The following PHEX variants were observed in gnomAD, a reference collection of about 807,000 sequenced individuals.
The protein encoded by PHEX is phosphate-regulating neutral endopeptidase PHEX.
PHEX carries 16 observed loss-of-function variants against 68.0 expected under a neutral mutation model. The ratio of observed to expected loss-of-function variants is 0.24; its 90% CI spans 0.16 to 0.36. PHEX has a LOEUF of 0.36. Among genes scored for constraint, PHEX ranks in the 10% least tolerant of loss-of-function variants. The pLI, the probability that PHEX is intolerant of heterozygous loss-of-function variation, is 1.00. For missense variants in PHEX, 480 were observed against 575.5 expected (o/e 0.83, Z 1.70); for synonymous variants, 208 against 205.1 (o/e 1.01, Z -0.12).
chrX:22,090,616 C>T, intron 6 of PHEX, 119 bp downstream of exon 6: 4 of 531,804 alleles, frequency 7.5e-6, no homozygotes. Flanking sequence ...ACCATATTCC[C>T]AATGCAGGAA....
chrX:22,053,601 G>A (rs1208165749), intron 3 of PHEX, among the ~76,000 whole-genome samples: 19 of 111,886 alleles, frequency 1.7e-4, no homozygotes, highest in Admixed American at 1.1e-3. Context: ...AGAAGACACA[G>A]CATGCATTGC....
chrX:22,230,744 CT>C (rs1171285704), intron 20 of PHEX, among the ~76,000 whole-genome samples: 1 of 111,740 alleles, frequency 8.9e-6, no homozygotes, highest in Non-Finnish European at 1.9e-5. Flanking sequence ...TTGACTTCCT[CT>C]TTTCCTATTT....
intron 6 of PHEX, 30 bp downstream of exon 6, chrX:22,090,527 C>G (rs1426120065): frequency 1.6e-5 from 17 of 1,038,506 alleles, no homozygotes; most frequent in Non-Finnish European, 2.3e-5. Context: ...AACTATGTGC[C>G]TTACCAGGCT....
intron 13 of PHEX, among the ~76,000 whole-genome samples, chrX:22,170,420 T>C (rs1446726547): frequency 9.0e-6 from 1 of 111,370 alleles, no homozygotes; most frequent in Non-Finnish European, 1.9e-5. Flanking sequence ...CCTTGTTACC[T>C]AGGGTAGGTT....
chrX:22,221,850 C>T (rs1421130502), intron 18 of PHEX, 107 bp downstream of exon 18: 9 of 708,863 alleles, frequency 1.3e-5, no homozygotes, highest in Non-Finnish European at 1.8e-5. Context: ...ACAAGATCAA[C>T]AGCATCTGTC....
At chrX:22,160,476 G>C (rs1363846653) in intron 12 of PHEX, among the ~76,000 whole-genome samples, 2 of 109,157 alleles carry the variant, frequency 1.8e-5, no homozygotes, top group Admixed American at 1.9e-4. Context: ...TTGAACCCAG[G>C]AGGTGGAGGT....
chrX:22,132,134 C>T (rs1488640286), intron 11 of PHEX, among the ~76,000 whole-genome samples: 1 of 111,697 alleles, frequency 9.0e-6, no homozygotes, highest in Admixed American at 9.5e-5. Flanking sequence ...AGGTCTCACT[C>T]TGTCACCCAG....
At chrX:22,087,637 C>T (rs1929683330) in intron 5 of PHEX, among the ~76,000 whole-genome samples, 1 of 111,481 alleles carries the variant, frequency 9.0e-6, no homozygotes, top group Non-Finnish European at 1.9e-5. Flanking sequence ...GAAAAAGAAG[C>T]TGGAGGAGAT....
At chrX:22,047,388 G>T (rs1485129068) in intron 3 of PHEX, among the ~76,000 whole-genome samples, 177 bp downstream of exon 3, 8 of 112,266 alleles carry the variant, frequency 7.1e-5, no homozygotes, top group Non-Finnish European at 1.3e-4. Context: ...TGGACTCCCA[G>T]ATCTCAACAT....
chrX:22,049,406 G>A (rs187416671), intron 3 of PHEX, among the ~76,000 whole-genome samples: 3 of 110,774 alleles, frequency 2.7e-5, no homozygotes, highest in African/African-American at 9.8e-5. Flanking sequence ...GAGCCACCGC[G>A]CCTGGCCAAC....
At chrX:22,169,270 G>T (rs1463609999) in intron 13 of PHEX, among the ~76,000 whole-genome samples, 2 of 111,758 alleles carry the variant, frequency 1.8e-5, no homozygotes, top group Non-Finnish European at 3.8e-5. Context: ...TGGGCTCTAA[G>T]ATATAGCCTC....
At chrX:22,081,132 C>A (rs1929376373) in intron 5 of PHEX, among the ~76,000 whole-genome samples, 1 of 110,564 alleles carries the variant, frequency 9.0e-6, no homozygotes, top group African/African-American at 3.3e-5. Context: ...TCCCACCCAA[C>A]CTTTTGGTGG....
Position 22,226,474 on chromosome X carries a change from T to C in PHEX, c.1931T>C (p.Ile644Thr), listed in dbSNP as rs1391338664. The change falls in exon 19 of 22, where the codon ATT (isoleucine) becomes ACT (threonine). Residue 644 changes from isoleucine to threonine, a missense_variant. By Grantham distance (89) the Ile-to-Thr change is moderately conservative. Coordinates refer to ENST00000379374, the MANE Select transcript of PHEX (RefSeq NM_000444.6). ...GGGAAGAGGACCCTGGGAGAAAATATTGCTGATAATGGAGGCCTGCGGGAA... is the reference window on the plus strand; with the variant it reads ...GGGAAGAGGACCCTGGGAGAAAATACTGCTGATAATGGAGGCCTGCGGGAA... The part of the protein sequence containing the change: ...VKGKRTLGEN[I>T]ADNGGLREAF... 1 of 1,206,932 alleles carries C rather than the reference T, an allele frequency of 8.3e-7. No individual in the cohort carries two copies. Among genetic ancestry groups the C allele is most frequent in the Non-Finnish European group, 1.1e-6 (1 of 891,871 alleles).
intron 3 of PHEX, among the ~76,000 whole-genome samples, chrX:22,073,414 C>G (rs964927464): frequency 1.8e-5 from 2 of 111,488 alleles, no homozygotes; most frequent in Non-Finnish European, 3.8e-5. Context: ...ATAACTCGCT[C>G]GAATTCCAGC....
chrX:22,243,496 A>C (rs1203943383), intron 20 of PHEX, among the ~76,000 whole-genome samples: 1 of 112,089 alleles, frequency 8.9e-6, no homozygotes, highest in African/African-American at 3.2e-5. Context: ...TGAACAGGCA[A>C]CCTAGAGGAT....
intron 3 of PHEX, among the ~76,000 whole-genome samples, chrX:22,056,766 T>TAAC (rs2146998006): frequency 1.6e-5 from 1 of 63,887 alleles, no homozygotes; most frequent in East Asian, 5.8e-4. Flanking sequence ...TGTCTCAAAA[T>TAAC]AATAATAATA....
intron 15 of PHEX, among the ~76,000 whole-genome samples, chrX:22,208,561 G>C (rs189475576): frequency 2.6e-4 from 29 of 112,233 alleles, no homozygotes; most frequent in Non-Finnish European, 5.1e-4. Flanking sequence ...TTGTGCAAGT[G>C]ATCAGGCAGT....
At chrX:22,093,703 C>A (rs1158103279) in intron 6 of PHEX, among the ~76,000 whole-genome samples, 1 of 111,745 alleles carries the variant, frequency 8.9e-6, no homozygotes, top group East Asian at 2.8e-4. Context: ...TTTCATGTAT[C>A]CATAATATCG....
intron 11 of PHEX, among the ~76,000 whole-genome samples, chrX:22,120,712 G>A (rs761387143): frequency 2.1e-4 from 23 of 111,555 alleles, no homozygotes; most frequent in African/African-American, 6.8e-4. Context: ...TCAATTTCTC[G>A]TATTTTGTAC....
Sources: allele counts gnomAD v4.1 joint callset (sites outside exome capture counted in the v4.1 genomes callset), GRCh38; gene constraint gnomAD v4.1.1; transcripts MANE v1.5; gene names NCBI Gene and HGNC (gene_info 2026-07-23, HGNC 2026-07-21).